CADM2: variants seen among roughly 807,000 people sequenced by gnomAD.
CADM2 encodes the protein immunoglobulin superfamily member 4D.
CADM2 carries 12 observed loss-of-function variants against 49.8 expected under a neutral mutation model. That is an observed-to-expected ratio of 0.24 (90% CI 0.15 to 0.39). The LOEUF (loss-of-function observed/expected upper bound fraction) is 0.39. CADM2 is among the 10% of genes least tolerant of loss of function. The pLI is 1.00. For missense variants in CADM2, 378 were observed against 492.3 expected, an observed-to-expected ratio of 0.77 and a Z score of 2.20; for synonymous variants, 214 against 175.4, an observed-to-expected ratio of 1.22 and a Z score of -1.74.
intron 3 of CADM2, among the ~76,000 whole-genome samples, chr3:85,838,560 T>C (rs1341795196): frequency 6.6e-6 from 1 of 151,860 alleles, no homozygotes; most frequent in Non-Finnish European, 1.5e-5. Context: ...GGTTATAATA[T>C]ACTTTTTTGG....
intron 8 of CADM2, among the ~76,000 whole-genome samples, chr3:85,980,812 A>G (rs1727383169): frequency 2.0e-5 from 3 of 151,550 alleles, no homozygotes; most frequent in African/African-American, 7.3e-5. Flanking sequence ...CTGACTATAT[A>G]AACAAATCAC....
At chr3:85,165,804 A>T (rs1015770371) in intron 1 of CADM2, among the ~76,000 whole-genome samples, 1 of 151,854 alleles carries the variant, frequency 6.6e-6, no homozygotes, top group Non-Finnish European at 1.5e-5. Flanking sequence ...GCCTCTTAGG[A>T]AAATTGAATT....
chr3:85,137,312 A>G (rs80239653), intron 1 of CADM2, among the ~76,000 whole-genome samples: 504 of 152,084 alleles, frequency 3.3e-3, no homozygotes, highest in Non-Finnish European at 5.3e-3. Context: ...TTACAATCCC[A>G]GGACTTTTAC....
At chr3:85,939,112 G>A (rs1433233665) in intron 7 of CADM2, among the ~76,000 whole-genome samples, 1 of 151,850 alleles carries the variant, frequency 6.6e-6, no homozygotes, top group Non-Finnish European at 1.5e-5. Flanking sequence ...TTATGCTAAT[G>A]TTGTTTTCCT....
intron 1 of CADM2, among the ~76,000 whole-genome samples, chr3:85,044,305 T>TC (rs397794901): frequency 0.29 from 44,758 of 151,722 alleles, 9,034 homozygotes; most frequent in African/African-American, 0.58. Flanking sequence ...AAGAAATTAA[T>TC]CCCCCTACCC....
At chr3:85,875,346 T>C (rs565898489) in intron 3 of CADM2, among the ~76,000 whole-genome samples, 1 of 152,296 alleles carries the variant, frequency 6.6e-6, no homozygotes, top group African/African-American at 2.4e-5. Context: ...AACATTTTGA[T>C]AATAAGAATA....
chr3:85,104,160 C>G (rs376881518), intron 1 of CADM2, among the ~76,000 whole-genome samples: 1 of 151,198 alleles, frequency 6.6e-6, no homozygotes, highest in African/African-American at 2.4e-5. Flanking sequence ...AGGTTTTCTT[C>G]TAGGGTTTTT....
intron 8 of CADM2, among the ~76,000 whole-genome samples, chr3:86,050,550 G>T (rs2107318882): frequency 6.6e-6 from 1 of 152,292 alleles, no homozygotes; most frequent in Admixed American, 6.5e-5. Flanking sequence ...CCCTAGTAGA[G>T]GTTCTTCATT....
Position 85,090,907 on chromosome 3 carries a change from T to C in CADM2, c.61+131239T>C, listed in dbSNP as rs111649313. Among the ~76,000 whole-genome samples, 18 of 152,186 alleles carry C rather than the reference T, an allele frequency of 1.2e-4. 1 individual carries two copies. The highest frequency in any genetic ancestry group is 4.3e-4 in the African/African-American group (18 of 41,520). On this transcript the variant is annotated intron_variant, in intron 1 of 9. Coordinates refer to ENST00000383699, the MANE Select transcript of CADM2 (RefSeq NM_001167675.2). ...CAGCCCCTTTCCATCTGTGGAAAAA[T>C]TATCTTCCACGAAACTGGTTCGTGG...
chr3:84,974,766 C>T (rs2031702890), intron 1 of CADM2, among the ~76,000 whole-genome samples: 1 of 151,892 alleles, frequency 6.6e-6, no homozygotes, highest in African/African-American at 2.4e-5. Context: ...AGATATATCA[C>T]ACTTTATTAC....
chr3:85,642,075 GA>G (rs1322107521), intron 1 of CADM2, among the ~76,000 whole-genome samples: 1 of 151,944 alleles, frequency 6.6e-6, no homozygotes, highest in South Asian at 2.1e-4. Flanking sequence ...AAAAGAAAAA[GA>G]AAAAAATCAT....
At chr3:84,978,617 C>T (rs779130683) in intron 1 of CADM2, among the ~76,000 whole-genome samples, 7 of 152,104 alleles carry the variant, frequency 4.6e-5, no homozygotes, top group East Asian at 1.9e-4. Flanking sequence ...GAAAATAGAG[C>T]GGAGGAATTT....
rs138272242 is a variant in CADM2 at position 85,451,375 on chromosome 3, G to C, written c.62-275147G>C. 3.4e-3 allele frequency among the ~76,000 whole-genome samples: 523 copies of C among 152,154 alleles called. 4 individuals are homozygous for C. Among genetic ancestry groups the C allele is most frequent in the African/African-American group, 0.012 (496 of 41,558 alleles). On this transcript the variant is annotated intron_variant, in intron 1 of 9. Transcript: ENST00000383699. ...TTAATAATAATTGTTTTAGGAAAAG[G>C]AATATATTTAAATGACCTTTTCGTA...
At chr3:85,720,717 T>C (rs1032075256) in intron 1 of CADM2, among the ~76,000 whole-genome samples, 1 of 152,204 alleles carries the variant, frequency 6.6e-6, no homozygotes, top group South Asian at 2.1e-4. Flanking sequence ...GCTATTTTAA[T>C]AAGTTTCATG....
chr3:85,141,685 A>AT lies in CADM2; in HGVS notation c.61+182018dup, dbSNP rs2039582987. On this transcript the variant is annotated intron_variant, in intron 1 of 9. Transcript: ENST00000383699. ...CATTTTTTATGAATATAGATAGGAT[A>AT]TATGTTAATGGAAATAGTATAAATT... is the stretch of plus-strand genomic sequence containing the variant. Among the ~76,000 whole-genome samples the AT allele has an allele frequency of 3.3e-5, 5 of 152,334 alleles. No individual in the cohort carries two copies. In the South Asian group the frequency reaches 1.0e-3, roughly 32 times the overall value.
rs997574212 is a variant in CADM2 at position 85,672,342 on chromosome 3, G to A, written c.62-54180G>A. ...CGAGTAGCTGGGACTACAGGTGCCC[G>A]CCACCACGCCTGACTAATTTTTTGT... On this transcript the variant is annotated intron_variant, in intron 1 of 9. Transcript: ENST00000383699. Among the ~76,000 whole-genome samples the A allele has an allele frequency of 5.3e-5, 8 of 151,820 alleles. No homozygotes were observed. The South Asian group carries it at 6.3e-4, about 12-fold the overall frequency.
At chr3:85,774,051 G>A (rs2070233664) in intron 2 of CADM2, among the ~76,000 whole-genome samples, 1 of 151,696 alleles carries the variant, frequency 6.6e-6, no homozygotes, top group Non-Finnish European at 1.5e-5. Flanking sequence ...CGTAGCTTTT[G>A]TACTTTTCAT....
intron 1 of CADM2, among the ~76,000 whole-genome samples, chr3:85,274,291 G>A (rs1369752892): frequency 6.6e-6 from 1 of 151,368 alleles, no homozygotes; most frequent in South Asian, 2.1e-4. Context: ...ACGACAGCAT[G>A]TCTAAAGCTG....
intron 8 of CADM2, among the ~76,000 whole-genome samples, chr3:86,036,002 A>G (rs937094534): frequency 6.6e-6 from 1 of 152,114 alleles, no homozygotes; most frequent in African/African-American, 2.4e-5. Flanking sequence ...TTCTAAAAGC[A>G]TAAATTCCAT....
Sources: gnomAD v4.1 joint callset for allele counts (sites outside exome capture counted in the v4.1 genomes callset) on GRCh38, gnomAD v4.1.1 for gene constraint, MANE v1.5 for transcripts, NCBI Gene and HGNC (gene_info 2026-07-23, HGNC 2026-07-21) for gene names.